The following ITGB1 variants were observed in gnomAD, a reference collection of about 807,000 sequenced individuals.
ITGB1 encodes the protein integrin beta-1.
A neutral mutation model predicts 86.5 loss-of-function variants in ITGB1; 24 were observed. The ratio of observed to expected loss-of-function variants is 0.28; its 90% CI spans 0.20 to 0.39. The LOEUF is 0.39. Among genes scored for constraint, ITGB1 ranks in the 10% least tolerant of loss-of-function variants. The pLI is 1.00. For missense variants in ITGB1, 556 were observed against 946.9 expected (o/e 0.59, Z 5.42); for synonymous variants, 323 against 316.8 (o/e 1.02, Z -0.21).
chr10:32,919,131 CACAG>C (rs1026504977), intron 11 of ITGB1, among the ~76,000 whole-genome samples: 5 of 152,266 alleles, frequency 3.3e-5, no homozygotes, highest in Admixed American at 2.0e-4. Flanking sequence ...TGTTACTTAG[CACAG>C]ACAATTAAAA....
intron 2 of ITGB1, among the ~76,000 whole-genome samples, chr10:32,934,804 C>T (rs1276879112): frequency 1.3e-5 from 2 of 152,090 alleles, no homozygotes; most frequent in Non-Finnish European, 2.9e-5. Flanking sequence ...ATCTTGTTTA[C>T]GGTGTTCTGA....
At chr10:32,946,749 T>TGGGTGGG (rs1555222114) in intron 1 of ITGB1, among the ~76,000 whole-genome samples, 1 of 25,112 alleles carries the variant, frequency 4.0e-5, no homozygotes, top group Non-Finnish European at 7.3e-5. Flanking sequence ...TATGTATTTC[T>TGGGTGGG]GGGGGGGGGG....
rs116926033 is a variant in ITGB1, at chr10:32,946,521, C to T, written c.1-10963G>A. Among the ~76,000 whole-genome samples the T allele has an allele frequency of 1.1e-4, 16 of 152,124 alleles. No individual in the cohort carries two copies. In the East Asian group the frequency reaches 2.5e-3, roughly 24 times the overall value. ...CTAAAGTGATTCCTCAGTGGGGCAA[C>T]AAGGATGGCTGCTGATGTACTGTGA... On this transcript the variant is annotated intron_variant, in intron 1 of 15. Transcript: ENST00000302278.
At chr10:32,923,776 T>C (rs375443397) in intron 6 of ITGB1, 36 bp from the exon 7 acceptor site, 12 of 1,545,220 alleles carry the variant, frequency 7.8e-6, no homozygotes, top group African/African-American at 1.4e-5. Context: ...TAAAACACTA[T>C]TCACAGTAAT....
intron 1 of ITGB1, among the ~76,000 whole-genome samples, chr10:32,948,461 T>C (rs999973106): frequency 1.3e-5 from 2 of 152,088 alleles, no homozygotes; most frequent in African/African-American, 2.4e-5. Context: ...ATAACATACC[T>C]AATACAAACA....
At chr10:32,912,958 G>A (rs566650789) in intron 11 of ITGB1, among the ~76,000 whole-genome samples, 14 of 152,286 alleles carry the variant, frequency 9.2e-5, no homozygotes, top group African/African-American at 3.1e-4. Flanking sequence ...CCTCTGAGAC[G>A]AAGCTTCCAG....
In ITGB1 at chr10:32,910,214, C is replaced by G. The variant is rs1255640376; in HGVS notation, c.2164+9G>C. ...ATGAAAAGAATGTCTGCAATCATCGCATTTCTACCTGGATTCTCCACAACA... is the reference window on the plus strand; with the variant it reads ...ATGAAAAGAATGTCTGCAATCATCGGATTTCTACCTGGATTCTCCACAACA... On this transcript the variant is annotated intron_variant, in intron 14 of 15. Coordinates refer to ENST00000302278, the MANE Select transcript of ITGB1 (RefSeq NM_002211.4). 1 of 1,586,098 alleles carries G rather than the reference C, an allele frequency of 6.3e-7. No homozygotes were observed. Among genetic ancestry groups the G allele is most frequent in the Non-Finnish European group, 8.7e-7 (1 of 1,155,086 alleles).
intron 5 of ITGB1, among the ~76,000 whole-genome samples, chr10:32,926,726 A>G (rs1220719518): frequency 2.0e-5 from 3 of 151,238 alleles, no homozygotes; most frequent in Admixed American, 6.6e-5. Flanking sequence ...AGTGTCAGAT[A>G]TGTCTTTATA....
At chr10:32,913,081 C>G (rs547567493) in intron 11 of ITGB1, among the ~76,000 whole-genome samples, 1 of 152,352 alleles carries the variant, frequency 6.6e-6, no homozygotes, top group South Asian at 2.1e-4. Context: ...AAACTCCCAA[C>G]AGACCTGCAG....
intron 1 of ITGB1, chr10:32,935,938 CG>C (rs1193859055): frequency 6.2e-6 from 1 of 160,654 alleles, no homozygotes; most frequent in Non-Finnish European, 1.4e-5. Context: ...TTATCTCCTG[CG>C]GCTCCCAGGG....
chr10:32,949,942 T>C (rs2095039497), intron 1 of ITGB1, among the ~76,000 whole-genome samples: 1 of 150,480 alleles, frequency 6.6e-6, no homozygotes, highest in South Asian at 2.1e-4. Context: ...TTGTAACATA[T>C]GTAACATATG....
rs1354565675 is a variant in ITGB1 at position 32,922,326 on chromosome 10, A to C, written c.1059T>G (p.Pro353=). The C allele has an allele frequency of 3.1e-6, 5 of 1,608,756 alleles. No homozygotes were observed. Among genetic ancestry groups the C allele is most frequent in the Non-Finnish European group, 4.2e-6 (5 of 1,177,576 alleles). Residue 353 remains proline (P), a synonymous_variant, in exon 9 of 16, where the codon CCT becomes CCG. Coordinates refer to ENST00000302278, the MANE Select transcript of ITGB1 (RefSeq NM_002211.4). ...CAGATAATGTTCCTACTGCTGACTT[A>C]GGGATCAAGTTTTTCAGCTCCTGCA... ...PVYKELKNLI[P]KSAVGTLSAN...
chr10:32,941,237 T>C (rs1245655531), intron 1 of ITGB1, among the ~76,000 whole-genome samples: 1 of 152,202 alleles, frequency 6.6e-6, no homozygotes, highest in Non-Finnish European at 1.5e-5. Context: ...TTTCTAAGCA[T>C]ATGCATTTGG....
chr10:32,950,511 T>C (rs2095040537), intron 1 of ITGB1, among the ~76,000 whole-genome samples: 1 of 152,044 alleles, frequency 6.6e-6, no homozygotes, highest in East Asian at 1.9e-4. Flanking sequence ...GGCCCAAATA[T>C]TAATAAGCTA....
chr10:32,932,845 A>G (rs942988718), intron 2 of ITGB1: 12 of 325,782 alleles, frequency 3.7e-5, no homozygotes, highest in African/African-American at 1.5e-4. Flanking sequence ...CATACAATGC[A>G]TAACAGTCAT....
intron 1 of ITGB1, among the ~76,000 whole-genome samples, chr10:32,952,966 A>T (rs539825996): frequency 6.6e-6 from 1 of 152,344 alleles, no homozygotes; most frequent in Admixed American, 6.5e-5. Flanking sequence ...TTGGAGGGCA[A>T]GAACCCAGGC....
At chr10:32,940,343 C>CAAAAAAAAA (rs35732606) in intron 1 of ITGB1, among the ~76,000 whole-genome samples, 1 of 108,984 alleles carries the variant, frequency 9.2e-6, no homozygotes. Flanking sequence ...GACTCCATCT[C>CAAAAAAAAA]AAAAAAAAAA....
At chr10:32,903,047 C>T (rs1054069618) in intron 15 of ITGB1, among the ~76,000 whole-genome samples, 2 of 151,938 alleles carry the variant, frequency 1.3e-5, no homozygotes, top group Non-Finnish European at 2.9e-5. Flanking sequence ...ACATACAGTT[C>T]AGAAGTTTCT....
chr10:32,932,605 CAGAAAGA>C lies in ITGB1; in HGVS notation c.68-12_68-6del, dbSNP rs778096905. 3.3e-6 allele frequency: 5 copies of C among 1,535,046 alleles called. No individual in the cohort carries two copies. The East Asian group carries it at 1.1e-4, about 35-fold the overall frequency. On this transcript the variant is annotated splice_region_variant and splice_polypyrimidine_tract_variant and intron_variant, in intron 2 of 15. Transcript: ENST00000302278. ...CTTTTAAACATCTATTTTCATCTGTCAGAAAGAAGAAAGAACAGAACATTTTATGTGA... is the reference window on the plus strand; with the variant it reads ...CTTTTAAACATCTATTTTCATCTGTCAGAAAGAACAGAACATTTTATGTGA...
Sources: gnomAD v4.1 joint callset for allele counts (sites outside exome capture counted in the v4.1 genomes callset) on GRCh38, gnomAD v4.1.1 for gene constraint, MANE v1.5 for transcripts, NCBI Gene and HGNC (gene_info 2026-07-23, HGNC 2026-07-21) for gene names.